The following CNTNAP5 variants were observed in gnomAD, a reference collection of about 807,000 sequenced individuals.
CNTNAP5 encodes the protein contactin-associated protein-like 5.
In CNTNAP5, 72 loss-of-function variants were observed where a neutral mutation model predicts 150.2. The ratio of observed to expected loss-of-function variants is 0.48; its 90% CI spans 0.40 to 0.58. The LOEUF is 0.58. Ranked by LOEUF, CNTNAP5 falls within the 20% of genes least tolerant of loss-of-function variation. The probability of loss-of-function intolerance (pLI) is 0.00; values close to 1 mark genes in which losing one functional copy is unlikely to be tolerated. For missense variants in CNTNAP5, 1,636 were observed against 1,626.2 expected, an observed-to-expected ratio of 1.01 and a Z score of -0.10; for synonymous variants, 672 against 619.8, an observed-to-expected ratio of 1.08 and a Z score of -1.25.
At position 124,368,340 on chromosome 2, in the gene CNTNAP5, C is replaced by T. The variant is rs372458756; in HGVS notation, c.382-49103C>T. Among the ~76,000 whole-genome samples the T allele has an allele frequency of 1.7e-4, 26 of 152,196 alleles. No individual in the cohort carries two copies. In the East Asian group the frequency reaches 2.7e-3, roughly 16 times the overall value. ...CATACAGATCAAAACTTCTGTAATA[C>T]GCAGCGTTTTTGAGGCTATGAGGAG... On this transcript the variant is annotated intron_variant, in intron 3 of 23. Coordinates refer to ENST00000682447, the MANE Select transcript of CNTNAP5 (RefSeq NM_001367498.1).
chr2:124,605,145 A>G (rs1697072503), intron 11 of CNTNAP5, among the ~76,000 whole-genome samples: 1 of 152,192 alleles, frequency 6.6e-6, no homozygotes, highest in South Asian at 2.1e-4. Context: ...GAAGCAAAGA[A>G]CTACAGCTTA....
At chr2:124,440,989 T>C (rs575891957) in intron 5 of CNTNAP5, among the ~76,000 whole-genome samples, 3 of 152,204 alleles carry the variant, frequency 2.0e-5, no homozygotes, top group Non-Finnish European at 2.9e-5. Context: ...TCTCTAATAA[T>C]GGAAATTTCT....
chr2:124,794,780 AT>A (rs1160744822), intron 18 of CNTNAP5, among the ~76,000 whole-genome samples: 1 of 152,120 alleles, frequency 6.6e-6, no homozygotes, highest in East Asian at 1.9e-4. Flanking sequence ...CTCACCTCCT[AT>A]CCTCCTCCTT....
intron 7 of CNTNAP5, among the ~76,000 whole-genome samples, chr2:124,477,094 T>A (rs961099679): frequency 6.6e-6 from 1 of 152,124 alleles, no homozygotes; most frequent in African/African-American, 2.4e-5. Flanking sequence ...AGTCTTTTAG[T>A]TGTACTTAGC....
intron 3 of CNTNAP5, among the ~76,000 whole-genome samples, chr2:124,363,089 A>T (rs1224882977): frequency 6.6e-6 from 1 of 152,202 alleles, no homozygotes; most frequent in Non-Finnish European, 1.5e-5. Context: ...AGTTGTGGTG[A>T]GTGATATGAA....
At chr2:124,228,296 G>A (rs1686519027) in intron 2 of CNTNAP5, among the ~76,000 whole-genome samples, 1 of 152,108 alleles carries the variant, frequency 6.6e-6, no homozygotes, top group African/African-American at 2.4e-5. Flanking sequence ...GTCCCTCAAT[G>A]GATTGGATGG....
intron 1 of CNTNAP5, among the ~76,000 whole-genome samples, chr2:124,205,601 TA>T (rs2104716433): frequency 6.6e-6 from 1 of 152,170 alleles, no homozygotes; most frequent in African/African-American, 2.4e-5. Context: ...GTATTTTTAG[TA>T]GAGATGGGGT....
intron 19 of CNTNAP5, among the ~76,000 whole-genome samples, chr2:124,841,891 A>G (rs141275189): frequency 1.4e-3 from 213 of 152,226 alleles, no homozygotes; most frequent in Non-Finnish European, 2.7e-3. Context: ...CAAACCACAA[A>G]TCGTGACCCA....
intron 18 of CNTNAP5, among the ~76,000 whole-genome samples, chr2:124,795,851 C>A (rs972042174): frequency 6.6e-6 from 1 of 151,794 alleles, no homozygotes; most frequent in African/African-American, 2.4e-5. Flanking sequence ...TGTGTCTTAC[C>A]ATCTCAGAAT....
At chr2:124,602,027 C>T (rs1297136537) in intron 11 of CNTNAP5, among the ~76,000 whole-genome samples, 2 of 152,160 alleles carry the variant, frequency 1.3e-5, no homozygotes, top group African/African-American at 4.8e-5. Context: ...TTTTGATTTT[C>T]AAACACATTT....
chr2:124,224,449 T>C (rs1686406131), intron 2 of CNTNAP5, among the ~76,000 whole-genome samples: 1 of 152,020 alleles, frequency 6.6e-6, no homozygotes, highest in Admixed American at 6.6e-5. Flanking sequence ...AGATATGTAT[T>C]TCTACTATAA....
intron 19 of CNTNAP5, among the ~76,000 whole-genome samples, chr2:124,810,983 C>T (rs4848263): frequency 0.2 from 30,200 of 151,894 alleles, 3,674 homozygotes; most frequent in African/African-American, 0.34. Flanking sequence ...AATCTATAGG[C>T]GTAGAATGAG....
intron 13 of CNTNAP5, among the ~76,000 whole-genome samples, chr2:124,693,825 AGCAAAAAAAAAAG>A (rs1172277225): frequency 7.0e-6 from 1 of 143,206 alleles, no homozygotes; most frequent in African/African-American, 2.6e-5. Flanking sequence ...AACAAAAGAA[AGCAAAAAAAAAAG>A]GCAAAAAAAA....
chr2:124,296,154 C>A (rs1688425516), intron 3 of CNTNAP5, among the ~76,000 whole-genome samples: 1 of 151,852 alleles, frequency 6.6e-6, no homozygotes, highest in African/African-American at 2.4e-5. Flanking sequence ...TGATAGTGCA[C>A]TTTTTTTTCA....
At chr2:124,176,891 G>T (rs1685080269) in intron 1 of CNTNAP5, among the ~76,000 whole-genome samples, 1 of 140,044 alleles carries the variant, frequency 7.1e-6, no homozygotes, top group Non-Finnish European at 1.5e-5. Flanking sequence ...GTTGCCCAGG[G>T]CGGAGTGCAA....
intron 19 of CNTNAP5, among the ~76,000 whole-genome samples, chr2:124,825,379 G>T (rs1026913263): frequency 6.6e-6 from 1 of 152,128 alleles, no homozygotes; most frequent in South Asian, 2.1e-4. Flanking sequence ...ATGTTTCTAT[G>T]TAATTATTTA....
chr2:124,824,053 G>T (rs1682543350), intron 19 of CNTNAP5, among the ~76,000 whole-genome samples: 1 of 151,744 alleles, frequency 6.6e-6, no homozygotes, highest in South Asian at 2.1e-4. Context: ...AAGTAGCTGG[G>T]ATTACAGATG....
chr2:124,435,833 G>T (rs1692517822), intron 5 of CNTNAP5, among the ~76,000 whole-genome samples: 3 of 152,160 alleles, frequency 2.0e-5, no homozygotes, highest in Admixed American at 2.0e-4. Context: ...ACTATAGGCA[G>T]CGGTAGCAGA....
At chr2:124,332,660 G>A (rs1362748743) in intron 3 of CNTNAP5, among the ~76,000 whole-genome samples, 1 of 151,668 alleles carries the variant, frequency 6.6e-6, no homozygotes, top group East Asian at 1.9e-4. Context: ...AGTTACCAAA[G>A]AGATTTAGAA....
Sources: gnomAD v4.1 joint callset for allele counts (sites outside exome capture counted in the v4.1 genomes callset) on GRCh38, gnomAD v4.1.1 for gene constraint, MANE v1.5 for transcripts, NCBI Gene and HGNC (gene_info 2026-07-23, HGNC 2026-07-21) for gene names.